The following KDM4C variants were observed in gnomAD, a reference collection of about 807,000 sequenced individuals.
KDM4C encodes lysine demethylase 4C, also known as lysine-specific demethylase 4C.
Under a neutral mutation model 129.3 loss-of-function variants are expected in KDM4C, and 81 were observed. That is an observed-to-expected ratio of 0.63 (90% CI 0.52 to 0.75). KDM4C has a LOEUF of 0.75. KDM4C is among the 30% of genes least tolerant of loss of function. KDM4C has a pLI of 0.00. For missense variants in KDM4C, 1,457 were observed against 1,304.0 expected (o/e 1.12, Z -1.81); for synonymous variants, 573 against 456.1 (o/e 1.26, Z -3.26).
At chr9:6,907,010 CAAGG>C (rs1818439279) in intron 8 of KDM4C, among the ~76,000 whole-genome samples, 1 of 152,162 alleles carries the variant, frequency 6.6e-6, no homozygotes, top group Admixed American at 6.5e-5. Flanking sequence ...CAGTTTTAAA[CAAGG>C]TCATTTATAA....
At chr9:7,097,805 C>G (rs944365617) in intron 17 of KDM4C, among the ~76,000 whole-genome samples, 3 of 152,172 alleles carry the variant, frequency 2.0e-5, no homozygotes, top group African/African-American at 7.2e-5. Flanking sequence ...GATTGTATAT[C>G]TTTTTCATTT....
intron 15 of KDM4C, among the ~76,000 whole-genome samples, chr9:7,039,725 G>T (rs750423432): frequency 5.3e-5 from 8 of 151,638 alleles, no homozygotes; most frequent in Non-Finnish European, 1.0e-4. Flanking sequence ...ATAAGGAAGA[G>T]AAAATATATT....
At chr9:7,022,945 A>C (rs1264613561) in intron 15 of KDM4C, among the ~76,000 whole-genome samples, 1 of 152,222 alleles carries the variant, frequency 6.6e-6, no homozygotes, top group Non-Finnish European at 1.5e-5. Context: ...ATGATGTATC[A>C]CATTGATTGA....
At chr9:6,851,324 A>G (rs1282271969) in intron 5 of KDM4C, among the ~76,000 whole-genome samples, 1 of 152,180 alleles carries the variant, frequency 6.6e-6, no homozygotes, top group Non-Finnish European at 1.5e-5. Flanking sequence ...GCTTAAGGAC[A>G]GGGATCTCTG....
rs145383195 is a variant in KDM4C at position 7,011,427 on chromosome 9, C to A, written c.1787-271C>A. Among the ~76,000 whole-genome samples, 653 of 152,196 alleles carry A rather than the reference C, an allele frequency of 4.3e-3. 7 individuals carry two copies. The highest frequency in any genetic ancestry group is 0.014 in the African/African-American group (572 of 41,516). ...AAGAAGTAATGTGGGAAGGAGGGAA[C>A]AGTGTAATTATTTCTGGTAGGGATA... On this transcript the variant is annotated intron_variant, in intron 12 of 21. Coordinates refer to ENST00000381309, the MANE Select transcript of KDM4C (RefSeq NM_015061.6).
chr9:6,985,065 CT>C (rs1452805029), intron 10 of KDM4C, among the ~76,000 whole-genome samples: 2 of 152,172 alleles, frequency 1.3e-5, no homozygotes, highest in East Asian at 3.8e-4. Context: ...GGATTCCCCC[CT>C]CCGCCAGAAT....
rs184817870 is a variant in KDM4C at position 6,964,012 on chromosome 9, A to C, written c.922-16913A>C. Among the ~76,000 whole-genome samples, 7 of 151,970 alleles carry C rather than the reference A, an allele frequency of 4.6e-5. No homozygotes were observed. The East Asian group carries it at 1.4e-3, about 29-fold the overall frequency. ...AATAATTTTGACTGTTAGAAAGCTA[A>C]GAACATAACTCTGATGTTAATATTT... is the stretch of plus-strand genomic sequence containing the variant. On this transcript the variant is annotated intron_variant, in intron 8 of 21. Coordinates refer to ENST00000381309, the MANE Select transcript of KDM4C (RefSeq NM_015061.6).
chr9:7,030,723 A>G (rs1385591616), intron 15 of KDM4C, among the ~76,000 whole-genome samples: 1 of 152,250 alleles, frequency 6.6e-6, no homozygotes, highest in African/African-American at 2.4e-5. Flanking sequence ...TTATTTCAAT[A>G]TATGCCTTAC....
intron 4 of KDM4C, among the ~76,000 whole-genome samples, chr9:6,818,666 G>C (rs1030972510): frequency 6.6e-6 from 1 of 152,188 alleles, no homozygotes; most frequent in Non-Finnish European, 1.5e-5. Flanking sequence ...ATCTTGCCTT[G>C]TTAAACCAGC....
chr9:6,889,258 T>TGTGTG (rs1845767477), intron 7 of KDM4C, among the ~76,000 whole-genome samples: 1 of 28,640 alleles, frequency 3.5e-5, no homozygotes, highest in Non-Finnish European at 7.2e-5. Flanking sequence ...TGTGGGAGGG[T>TGTGTG]GGGGGGGATT....
intron 1 of KDM4C, among the ~76,000 whole-genome samples, chr9:6,728,203 G>A (rs908971878): frequency 2.6e-5 from 4 of 152,148 alleles, no homozygotes; most frequent in African/African-American, 9.7e-5. Flanking sequence ...CTTGCCATTG[G>A]TGGGTGGGTT....
intron 11 of KDM4C, among the ~76,000 whole-genome samples, chr9:6,989,585 T>A (rs1818360333): frequency 6.6e-6 from 1 of 152,166 alleles, no homozygotes; most frequent in Non-Finnish European, 1.5e-5. Context: ...AGAATACTTT[T>A]GGTTTCTTGT....
chr9:7,073,348 A>T (rs2132843192), intron 17 of KDM4C, among the ~76,000 whole-genome samples: 1 of 152,370 alleles, frequency 6.6e-6, no homozygotes, highest in East Asian at 1.9e-4. Context: ...GTTGGCACTG[A>T]GTAAGTTTCA....
intron 9 of KDM4C, among the ~76,000 whole-genome samples, chr9:6,981,456 T>A (rs1816750401): frequency 6.6e-6 from 1 of 152,228 alleles, no homozygotes; most frequent in Non-Finnish European, 1.5e-5. Context: ...GATTTTCCAC[T>A]TTTTCATTTT....
chr9:6,756,357 T>C (rs927977242), upstream of KDM4C, among the ~76,000 whole-genome samples: 4 of 152,374 alleles, frequency 2.6e-5, no homozygotes, highest in South Asian at 8.3e-4. Context: ...GTAAGGATGG[T>C]TGGGATCCTG....
intron 14 of KDM4C, 47 bp downstream of exon 14, chr9:7,014,048 C>T (rs1823195726): frequency 3.3e-6 from 5 of 1,495,754 alleles, no homozygotes; most frequent in African/African-American, 1.4e-5. Context: ...CAGCATTTCA[C>T]ATCATCTTTA....
At chr9:6,953,396 A>G (rs7046307) in intron 8 of KDM4C, among the ~76,000 whole-genome samples, 7,210 of 152,296 alleles carry the variant, frequency 0.047, 266 homozygotes, top group East Asian at 0.14. Context: ...GTTTGAATTA[A>G]CTTGGCTGTT....
chr9:6,864,864 G>C (rs758153608), intron 5 of KDM4C, among the ~76,000 whole-genome samples: 45 of 151,024 alleles, frequency 3.0e-4, no homozygotes, highest in Admixed American at 5.9e-4. Context: ...CTGTCTTCAA[G>C]CTTACTGTTT....
chr9:6,935,375 C>T (rs62533792), intron 8 of KDM4C, among the ~76,000 whole-genome samples: 38,714 of 151,712 alleles, frequency 0.26, 5,345 homozygotes, highest in South Asian at 0.4. Flanking sequence ...ATCCTGTTCA[C>T]ATATTTTTTA....
Sources: allele counts gnomAD v4.1 joint callset (sites outside exome capture counted in the v4.1 genomes callset), GRCh38; gene constraint gnomAD v4.1.1; transcripts MANE v1.5; gene names NCBI Gene and HGNC (gene_info 2026-07-23, HGNC 2026-07-21).